MEFV: variants seen among roughly 807,000 people sequenced by gnomAD.
MEFV encodes MEFV innate immunity regulator, pyrin, also known as pyrin.
Under a neutral mutation model 62.5 loss-of-function variants are expected in MEFV, and 60 were observed. That is an observed-to-expected ratio of 0.96 (90% CI 0.78 to 1.19). MEFV has a LOEUF of 1.19. Among genes scored for constraint, MEFV ranks in the 50% most tolerant of loss-of-function variants. MEFV has a pLI of 0.00. For synonymous variants in MEFV, 500 were observed against 415.2 expected, an observed-to-expected ratio of 1.20 and a Z score of -2.48; for missense variants, 1,169 against 1,004.5, an observed-to-expected ratio of 1.16 and a Z score of -2.21.
chr16:3,245,062 G>A (rs1048274185), intron 6 of MEFV, among the ~76,000 whole-genome samples: 3 of 152,110 alleles, frequency 2.0e-5, no homozygotes, highest in Non-Finnish European at 4.4e-5. Context: ...CGGGGCAGTG[G>A]GATCGCTTGA....
chr16:3,251,544 G>C (rs1367686338), intron 2 of MEFV, among the ~76,000 whole-genome samples: 1 of 152,168 alleles, frequency 6.6e-6, no homozygotes, highest in Non-Finnish European at 1.5e-5. Flanking sequence ...TTCTGTTGAG[G>C]TTACTGTTAT....
intron 2 of MEFV, among the ~76,000 whole-genome samples, chr16:3,250,763 C>T (rs377574926): frequency 9.2e-5 from 14 of 151,354 alleles, no homozygotes; most frequent in South Asian, 2.1e-4. Context: ...CAGTGGCTCA[C>T]GCCTGTAATC....
intron 4 of MEFV, chr16:3,247,905 A>G (rs973265738): frequency 4.4e-5 from 6 of 137,288 alleles, no homozygotes; most frequent in African/African-American, 1.7e-4. Context: ...ACTGCACCCC[A>G]GCCTGGACGA....
At chr16:3,256,193 G>A (rs1425129992) in intron 1 of MEFV, 118 bp downstream of exon 1, 2 of 1,232,120 alleles carry the variant, frequency 1.6e-6, no homozygotes, top group Admixed American at 2.0e-5. Context: ...CTGGATTTTG[G>A]TAGACCTGAG....
intron 2 of MEFV, among the ~76,000 whole-genome samples, chr16:3,251,095 TCA>T (rs1336491802): frequency 6.9e-6 from 1 of 144,582 alleles, no homozygotes; most frequent in Non-Finnish European, 1.5e-5. Flanking sequence ...TCCTCCCACC[TCA>T]CAGTGTCCCA....
At chr16:3,254,087 C>G in intron 2 of MEFV, 71 bp downstream of exon 2, 12 of 1,543,502 alleles carry the variant, frequency 7.8e-6, no homozygotes, top group Non-Finnish European at 9.7e-6. Context: ...GGATTACAGG[C>G]ATGAGCTATC....
intron 2 of MEFV, among the ~76,000 whole-genome samples, chr16:3,250,815 G>T (rs1476615120): frequency 2.6e-5 from 4 of 151,376 alleles, no homozygotes; most frequent in Non-Finnish European, 4.4e-5. Context: ...CATGAGGTCA[G>T]GAGTTCAAGA....
chr16:3,243,137 G>A lies in MEFV; in HGVS notation c.*4C>T, dbSNP rs1567231202. On this transcript the variant is annotated 3_prime_UTR_variant, in exon 10 of 10. Transcript: ENST00000219596. ...AGCAGGAAGAGAGATGCAGTGTTGG[G>A]CATTCAGTCAGGCCCCTGACCACCC... The A allele has an allele frequency of 6.2e-7, 1 of 1,612,864 alleles. No individual in the cohort carries two copies. Among genetic ancestry groups the A allele is most frequent in the Non-Finnish European group, 8.5e-7 (1 of 1,179,866 alleles).
chr16:3,255,576 T>C (rs990346737), intron 1 of MEFV, among the ~76,000 whole-genome samples: 1 of 151,832 alleles, frequency 6.6e-6, no homozygotes, highest in Admixed American at 6.6e-5. Context: ...GGCTCATTTT[T>C]TTGTATTTTT....
chr16:3,256,468 G>T lies in MEFV; in HGVS notation c.120C>A (p.Ile40=). Reference sequence around the variant, plus strand: ...TGGCTCTCTGGATCTGGCTCCGGGGGATCCTGGAGTGCTCCTTCTGCACAC... The same window carrying T: ...TGGCTCTCTGGATCTGGCTCCGGGGTATCCTGGAGTGCTCCTTCTGCACAC... The part of the protein sequence containing the change: ...NTSVQKEHSR[I]PRSQIQRARP... Residue 40 remains isoleucine, a synonymous_variant, in exon 1 of 10, where the codon ATC becomes ATA. Transcript: ENST00000219596. 1 of 1,614,224 alleles carries T rather than the reference G, an allele frequency of 6.2e-7. No individual in the cohort carries two copies.
At chr16:3,254,083 C>T in intron 2 of MEFV, 75 bp downstream of exon 2, 1 of 1,530,462 alleles carries the variant, frequency 6.5e-7, no homozygotes, top group Non-Finnish European at 8.9e-7. Context: ...GCTGGGATTA[C>T]AGGCATGAGC....
Position 3,243,600 on chromosome 16 carries a change from C to G in MEFV, c.1887G>C (p.Leu629=), listed in dbSNP as rs1596350214. 2 of 1,600,614 alleles carry G rather than the reference C, an allele frequency of 1.2e-6. No homozygotes were observed. Among genetic ancestry groups the G allele is most frequent in the Non-Finnish European group, 1.7e-6 (2 of 1,172,316 alleles). Residue 629 remains leucine (L), a synonymous_variant, in exon 10 of 10, where the codon CTG becomes CTC. Coordinates refer to ENST00000219596, the MANE Select transcript of MEFV (RefSeq NM_000243.3). The part of the protein sequence containing the change: ...SVRLGNKWER[L]PDGPQRFDSC... ...TGTCAAATCTTTGCGGGCCATCAGGCAGCCTCTCCCACTTGTTTCCAAGTC... is the reference window on the plus strand; with the variant it reads ...TGTCAAATCTTTGCGGGCCATCAGGGAGCCTCTCCCACTTGTTTCCAAGTC...
rs770801656 is a variant in MEFV, at chr16:3,254,395, CCTT to C, written c.670_672del (p.Lys224del). Reference sequence around the variant, plus strand: ...AGGTACACTTCGAAGGGCCTGCACTCCTTCTGCCCCGGGGCGCCCCCCGCCAGC... The same window carrying C: ...AGGTACACTTCGAAGGGCCTGCACTCCTGCCCCGGGGCGCCCCCCGCCAGC... On this transcript the variant is annotated inframe_deletion, in exon 2 of 10. Coordinates refer to ENST00000219596, the MANE Select transcript of MEFV (RefSeq NM_000243.3). 4 of 1,613,736 alleles carry C rather than the reference CCTT, an allele frequency of 2.5e-6. No homozygotes were observed. Among genetic ancestry groups the C allele is most frequent in the South Asian group, 1.1e-5 (1 of 91,086 alleles).
intron 2 of MEFV, 77 bp from the exon 3 acceptor site, chr16:3,249,857 G>A (rs770727274): frequency 6.6e-5 from 78 of 1,187,122 alleles, no homozygotes; most frequent in Non-Finnish European, 9.1e-5. Flanking sequence ...AAGCACAGCG[G>A]ACACAGCCCT....
rs753063627 is a variant in MEFV, at chr16:3,254,353, G to A, written c.715C>T (p.Arg239Ter). Residue 239 changes from arginine to a stop codon, truncating the protein, a stop_gained, in exon 2 of 10, where the codon CGA becomes TGA. Coordinates refer to ENST00000219596, the MANE Select transcript of MEFV (RefSeq NM_000243.3). LOFTEE classifies it high-confidence loss of function. The part of the protein sequence containing the change: ...FEVYLPSGKM[R>*]PRSLEVTIST... The stretch of plus-strand genomic sequence containing the variant: ...ATGGTGACCTCAAGGCTTCTAGGTC[G>A]CATCTTTCCCGAGGGCAGGTACACT... 3.7e-6 allele frequency: 6 copies of A among 1,614,206 alleles called. No individual in the cohort carries two copies. Among genetic ancestry groups the A allele is most frequent in the Non-Finnish European group, 5.1e-6 (6 of 1,180,028 alleles).
At position 3,249,521 on chromosome 16, in the gene MEFV, G is replaced by A. The variant is rs1053913228; in HGVS notation, c.1170C>T (p.His390=). ...TGCAGATGAGGCAGATGGGCTCATC[G>A]TGATCCTCACAGAAGAGCAGCTGGA... The part of the protein sequence containing the change: ...KQVQLLFCED[H]DEPICLICSL... Residue 390 remains histidine, a synonymous_variant, in exon 3 of 10, where the codon CAC becomes CAT. Coordinates refer to ENST00000219596, the MANE Select transcript of MEFV (RefSeq NM_000243.3). 1.1e-5 allele frequency: 18 copies of A among 1,614,218 alleles called. No homozygotes were observed. The highest frequency in any genetic ancestry group is 8.3e-5 in the Admixed American group (5 of 60,022).
intron 6 of MEFV, among the ~76,000 whole-genome samples, chr16:3,244,845 G>C (rs1429692753): frequency 6.6e-6 from 1 of 152,032 alleles, no homozygotes; most frequent in Non-Finnish European, 1.5e-5. Context: ...AAATGACATT[G>C]ATATTATCTA....
In MEFV at chr16:3,243,420, C is replaced by A; in HGVS notation, c.2067G>T (p.Trp689Cys). ...CATTTTCCTTCATCATTATCACCAC[C>A]CAGTAGCCATTCTCTGGCGACAGAG... ...NMTLSPENGY[W>C]VVIMMKENEY... The change falls in exon 10 of 10, where the codon TGG (tryptophan) becomes TGT (cysteine). Residue 689 changes from tryptophan to cysteine, a missense_variant. Coordinates refer to ENST00000219596, the MANE Select transcript of MEFV (RefSeq NM_000243.3). 6.2e-7 allele frequency: 1 copy of A among 1,614,148 alleles called. No individual in the cohort carries two copies. The highest frequency in any genetic ancestry group is 8.5e-7 in the Non-Finnish European group (1 of 1,180,028).
Position 3,243,009 on chromosome 16 carries a change from G to T in MEFV, c.*132C>A. 1 of 1,038,274 alleles carries T rather than the reference G, an allele frequency of 9.6e-7. No homozygotes were observed. Among genetic ancestry groups the T allele is most frequent in the Non-Finnish European group, 1.4e-6 (1 of 691,782 alleles). The allele number at this position is 1,038,274 out of a possible 1,614,324, so 64.3% of individuals were successfully genotyped here. A position where few individuals can be genotyped will look rare whatever the true frequency, so the allele number is the denominator to read the frequency against. On this transcript the variant is annotated 3_prime_UTR_variant, in exon 10 of 10. Coordinates refer to ENST00000219596, the MANE Select transcript of MEFV (RefSeq NM_000243.3). Reference sequence around the variant, plus strand: ...CCTCTGCTATAATCGGGTAGGCTCCGTGGGCACAGTAACTATTTTGTTATT... The same window carrying T: ...CCTCTGCTATAATCGGGTAGGCTCCTTGGGCACAGTAACTATTTTGTTATT...
Sources: allele counts gnomAD v4.1 joint callset (sites outside exome capture counted in the v4.1 genomes callset), GRCh38; gene constraint gnomAD v4.1.1; transcripts MANE v1.5; gene names NCBI Gene and HGNC (gene_info 2026-07-23, HGNC 2026-07-21).